Variants in SUSD5 observed in about 807,000 individuals in gnomAD.
SUSD5 encodes the protein sushi domain containing 5, also known as sushi domain-containing protein 5.
A neutral mutation model predicts 29.5 loss-of-function variants in SUSD5; 33 were observed. The observed-to-expected ratio is 1.12, with a 90% CI of 0.85 to 1.49. The LOEUF (loss-of-function observed/expected upper bound fraction) is 1.49, where lower values mean the gene tolerates loss of function less well. SUSD5 is among the 40% of genes most tolerant of loss of function. SUSD5 has a pLI of 0.00. For missense variants in SUSD5, 776 were observed against 800.6 expected (o/e 0.97, Z 0.37); for synonymous variants, 308 against 325.3 (o/e 0.95, Z 0.57).
At chr3:33,218,051 G>A (rs537154856) in intron 1 of SUSD5, among the ~76,000 whole-genome samples, 1 of 152,348 alleles carries the variant, frequency 6.6e-6, no homozygotes, top group South Asian at 2.1e-4. Context: ...TCAATTCTCA[G>A]AGAACCTGCC....
intron 1 of SUSD5, among the ~76,000 whole-genome samples, chr3:33,216,240 G>C (rs975377816): frequency 2.0e-5 from 3 of 151,978 alleles, no homozygotes; most frequent in African/African-American, 7.2e-5. Context: ...AAATGAAGTG[G>C]GGGAAAAACT....
chr3:33,173,618 G>C (rs1311384126), intron 4 of SUSD5, among the ~76,000 whole-genome samples: 2 of 152,226 alleles, frequency 1.3e-5, no homozygotes, highest in Non-Finnish European at 2.9e-5. Flanking sequence ...GGTCTCATCT[G>C]AGTTCTCTCA....
chr3:33,196,193 G>A lies in SUSD5; in HGVS notation c.409+11615C>T, dbSNP rs1029758855. On this transcript the variant is annotated intron_variant, in intron 3 of 4. Transcript: ENST00000309558. ...ACCAAATAAAGCCAACCACACCATG[G>A]CTAAATTGGAATTGAATGCCACCTT... is the stretch of plus-strand genomic sequence containing the variant. Among the ~76,000 whole-genome samples the A allele has an allele frequency of 9.7e-4, 148 of 152,184 alleles. 2 individuals carry two copies. Among genetic ancestry groups the A allele is most frequent in the African/African-American group, 3.2e-3 (131 of 41,520 alleles).
chr3:33,202,692 G>A (rs919627932), intron 3 of SUSD5, among the ~76,000 whole-genome samples: 1 of 152,180 alleles, frequency 6.6e-6, no homozygotes, highest in African/African-American at 2.4e-5. Flanking sequence ...GAAGACCCAA[G>A]TGGAGGCAGC....
Position 33,152,868 on chromosome 3 carries a change from G to A in SUSD5, c.1764C>T (p.Leu588=). The A allele has an allele frequency of 8.7e-6, 14 of 1,613,936 alleles. No homozygotes were observed. The highest frequency in any genetic ancestry group is 1.3e-5 in the African/African-American group (1 of 75,034). Residue 588 remains leucine, a synonymous_variant, in exon 5 of 5, where the codon CTC becomes CTT. Transcript: ENST00000309558. ...TIVTVLCLLL[L]LAGVGMVWGY... Reference sequence around the variant, plus strand: ...CCCACACCATCCCCACACCTGCCAGGAGCAGCAGTAGGCACAGGACGGTGA... The same window carrying A: ...CCCACACCATCCCCACACCTGCCAGAAGCAGCAGTAGGCACAGGACGGTGA...
chr3:33,180,884 A>G (rs866541585), intron 3 of SUSD5, among the ~76,000 whole-genome samples: 10 of 148,700 alleles, frequency 6.7e-5, no homozygotes, highest in Middle Eastern at 3.2e-3. Flanking sequence ...GGGTCTTACT[A>G]TGTTGCCCAG....
chr3:33,199,430 C>T (rs937689916), intron 3 of SUSD5, among the ~76,000 whole-genome samples: 25 of 152,282 alleles, frequency 1.6e-4, no homozygotes, highest in Middle Eastern at 3.4e-3. Context: ...CCCGCCACCA[C>T]GCCCGGCTAA....
Position 33,186,447 on chromosome 3 carries a change from A to G in SUSD5, c.410-11373T>C, listed in dbSNP as rs569193465. Among the ~76,000 whole-genome samples, 3 of 149,484 alleles carry G rather than the reference A, an allele frequency of 2.0e-5. No homozygotes were observed. The South Asian group carries it at 6.4e-4, about 32-fold the overall frequency. ...TTTCTTTCTTTTTTTTTTTTGAGAC[A>G]GAGTCTCATTCTGTCACCAGGCTGG... On this transcript the variant is annotated intron_variant, in intron 3 of 4. Transcript: ENST00000309558.
chr3:33,152,619 A>C lies in SUSD5; in HGVS notation c.*123T>G. The C allele has an allele frequency of 8.8e-7, 1 of 1,133,408 alleles. No homozygotes were observed. The highest frequency in any genetic ancestry group is 1.2e-6 in the Non-Finnish European group (1 of 810,702). The allele number at this position is 1,133,408 out of a possible 1,614,324, so 70.2% of individuals were successfully genotyped here. A position where few individuals can be genotyped will look rare whatever the true frequency, so the allele number is the denominator to read the frequency against. The stretch of plus-strand genomic sequence containing the variant: ...AGAGACACTTCTCAGCCTATAAAAC[A>C]AAGGGCTGAGGAAAAAATGATGAGC... On this transcript the variant is annotated 3_prime_UTR_variant, in exon 5 of 5. Coordinates refer to ENST00000309558, the MANE Select transcript of SUSD5 (RefSeq NM_015551.2).
chr3:33,206,412 A>AGT (rs5847777), intron 3 of SUSD5, among the ~76,000 whole-genome samples: 3,639 of 148,600 alleles, frequency 0.024, 58 homozygotes, highest in East Asian at 0.067. Context: ...AATTTACTTG[A>AGT]GTGTGTGTGT....
chr3:33,170,909 C>T (rs1480436734), intron 4 of SUSD5, among the ~76,000 whole-genome samples: 1 of 152,232 alleles, frequency 6.6e-6, no homozygotes, highest in Non-Finnish European at 1.5e-5. Context: ...TGAAAGGTCT[C>T]ATTGATCAGC....
chr3:33,215,060 T>C (rs1368370749), intron 1 of SUSD5, among the ~76,000 whole-genome samples: 1 of 151,786 alleles, frequency 6.6e-6, no homozygotes, highest in African/African-American at 2.4e-5. Context: ...ATAAATATAA[T>C]AATTCCACAG....
chr3:33,160,808 A>G (rs2031171164), intron 4 of SUSD5, among the ~76,000 whole-genome samples: 2 of 151,030 alleles, frequency 1.3e-5, no homozygotes, highest in African/African-American at 2.4e-5. Context: ...GAAAAAAAAG[A>G]CAGAAGAGAC....
chr3:33,182,816 T>C (rs2031699553), intron 3 of SUSD5, among the ~76,000 whole-genome samples: 1 of 152,222 alleles, frequency 6.6e-6, no homozygotes, highest in South Asian at 2.1e-4. Context: ...AGACGGAGTC[T>C]TGCTCTGTCA....
chr3:33,152,676 T>G lies in SUSD5; in HGVS notation c.*66A>C, dbSNP rs1575524771. ...CCACCTGCGTCATGCTCTAGTGAATTATCGTGTGATGTGTCACAGTTATTT... is the reference window on the plus strand; with the variant it reads ...CCACCTGCGTCATGCTCTAGTGAATGATCGTGTGATGTGTCACAGTTATTT... On this transcript the variant is annotated 3_prime_UTR_variant, in exon 5 of 5. Coordinates refer to ENST00000309558, the MANE Select transcript of SUSD5 (RefSeq NM_015551.2). 1.4e-6 allele frequency: 2 copies of G among 1,477,262 alleles called. No homozygotes were observed. The highest frequency in any genetic ancestry group is 4.6e-5 in the East Asian group (2 of 43,508). The allele number at this position is 1,477,262 out of a possible 1,614,324, so 91.5% of individuals were successfully genotyped here.
chr3:33,218,722 G>C lies in SUSD5; in HGVS notation c.76C>G (p.Leu26Val). The C allele has an allele frequency of 2.2e-6, 3 of 1,343,616 alleles. No individual in the cohort carries two copies. The highest frequency in any genetic ancestry group is 2.9e-6 in the Non-Finnish European group (3 of 1,052,066). 83.2% of individuals were successfully genotyped at this position (1,343,616 alleles called of 1,614,324 possible). Residue 26 changes from leucine (L) to valine (V), a missense_variant, in exon 1 of 5, where the codon CTG becomes GTG. Transcript: ENST00000309558. ...LPGLWAAALL[L>V]LGLPRLSVRA... ...ACCGAAAGGCGCGGCAGACCGAGCA[G>C]GAGCAGCGCCGCCGCCCAGAGCCCG...
At chr3:33,208,177 T>C (rs1457067276) in intron 2 of SUSD5, among the ~76,000 whole-genome samples, 1 of 152,218 alleles carries the variant, frequency 6.6e-6, no homozygotes, top group Non-Finnish European at 1.5e-5. Flanking sequence ...CTCTTCTAGA[T>C]TATGTTGGTT....
At chr3:33,162,606 G>C (rs576926962) in intron 4 of SUSD5, among the ~76,000 whole-genome samples, 2 of 152,338 alleles carry the variant, frequency 1.3e-5, no homozygotes, top group Admixed American at 6.5e-5. Flanking sequence ...CATCATCACA[G>C]ATGTTTCAGG....
At chr3:33,155,584 A>ACT (rs1196760104) in intron 4 of SUSD5, among the ~76,000 whole-genome samples, 1 of 152,230 alleles carries the variant, frequency 6.6e-6, no homozygotes, top group Non-Finnish European at 1.5e-5. Context: ...ATGTGTGCAT[A>ACT]TGGGTACCAA....
Sources: gnomAD v4.1 joint callset for allele counts (sites outside exome capture counted in the v4.1 genomes callset) on GRCh38, gnomAD v4.1.1 for gene constraint, MANE v1.5 for transcripts, NCBI Gene and HGNC (gene_info 2026-07-23, HGNC 2026-07-21) for gene names.